Variants in ESRRB observed in about 807,000 individuals in gnomAD.
The protein encoded by ESRRB is steroid hormone receptor ERR2.
Under a neutral mutation model 46.0 loss-of-function variants are expected in ESRRB, and 16 were observed. The observed-to-expected ratio is 0.35, with a 90% CI of 0.24 to 0.53. The LOEUF (loss-of-function observed/expected upper bound fraction) is 0.53, where lower values mean the gene tolerates loss of function less well. Ranked by LOEUF, ESRRB falls within the 20% of genes least tolerant of loss-of-function variation. ESRRB has a pLI of 0.93. For missense variants in ESRRB, 488 were observed against 607.4 expected (o/e 0.80, Z 2.07); for synonymous variants, 246 against 259.6 (o/e 0.95, Z 0.50).
chr14:76,372,705 G>A (rs775419685), upstream of ESRRB, among the ~76,000 whole-genome samples: 2 of 152,182 alleles, frequency 1.3e-5, no homozygotes, highest in Non-Finnish European at 2.9e-5. Flanking sequence ...GCTGGTGGGT[G>A]CCTGTAGTCC....
At chr14:76,363,444 C>T (rs768706362) in intron 1 of ESRRB, among the ~76,000 whole-genome samples, 6 of 152,156 alleles carry the variant, frequency 3.9e-5, no homozygotes, top group Non-Finnish European at 7.3e-5. Flanking sequence ...CTTCTTGTTC[C>T]GGCTGCCCTT....
chr14:76,499,091 C>G lies in ESRRB; in HGVS notation c.*633C>G, dbSNP rs1179259747. ...TCCTGGGCACCCCACCCCTCGGGGC[C>G]TACCCCCCTGCCTGTCACCCACCGC... is the stretch of plus-strand genomic sequence containing the variant. On this transcript the variant is annotated 3_prime_UTR_variant, in exon 7 of 7. Coordinates refer to ENST00000644823, the MANE Select transcript of ESRRB (RefSeq NM_001379180.1). 2 of 332,568 alleles carry G rather than the reference C, an allele frequency of 6.0e-6. No individual in the cohort carries two copies. Among genetic ancestry groups the G allele is most frequent in the Admixed American group, 8.5e-5 (2 of 23,574 alleles). 20.6% of individuals were successfully genotyped at this position (332,568 alleles called of 1,614,324 possible). A position where few individuals can be genotyped will look rare whatever the true frequency, so the allele number is the denominator to read the frequency against.
intron 1 of ESRRB, among the ~76,000 whole-genome samples, chr14:76,393,012 G>A (rs112880983): frequency 2.0e-5 from 3 of 152,356 alleles, no homozygotes; most frequent in African/African-American, 4.8e-5. Flanking sequence ...GGGGCAGGGA[G>A]GCACTGGAGG....
upstream of ESRRB, among the ~76,000 whole-genome samples, chr14:76,373,336 C>G (rs970065468): frequency 3.9e-5 from 6 of 152,252 alleles, no homozygotes; most frequent in Non-Finnish European, 8.8e-5. Context: ...CTGCCCACCC[C>G]ACTCCACCCC....
At chr14:76,382,331 A>G (rs976436616) in intron 1 of ESRRB, among the ~76,000 whole-genome samples, 1 of 152,218 alleles carries the variant, frequency 6.6e-6, no homozygotes, top group African/African-American at 2.4e-5. Context: ...TGGTTCGTCC[A>G]TGGTGCAAAG....
intron 1 of ESRRB, among the ~76,000 whole-genome samples, chr14:76,329,584 G>T (rs2139735160): frequency 6.6e-6 from 1 of 152,298 alleles, no homozygotes; most frequent in Middle Eastern, 3.4e-3. Context: ...CCGCGGTGGG[G>T]TGGCAGGGAG....
At chr14:76,445,904 T>A (rs1888125600) in intron 2 of ESRRB, among the ~76,000 whole-genome samples, 1 of 152,196 alleles carries the variant, frequency 6.6e-6, no homozygotes, top group Non-Finnish European at 1.5e-5. Flanking sequence ...CAGGCTGGTC[T>A]CCAACTCTTG....
chr14:76,327,844 T>C (rs976441399), intron 1 of ESRRB, among the ~76,000 whole-genome samples: 1 of 151,948 alleles, frequency 6.6e-6, no homozygotes, highest in East Asian at 1.9e-4. Flanking sequence ...ACTGGGATTA[T>C]AGGCACGTGC....
intron 5 of ESRRB, among the ~76,000 whole-genome samples, chr14:76,486,687 G>A (rs983551253): frequency 2.0e-5 from 3 of 152,162 alleles, no homozygotes; most frequent in African/African-American, 7.2e-5. Context: ...TCCTGGGGCA[G>A]CAGAGCTCCA....
chr14:76,444,645 C>CA (rs1888056332), intron 2 of ESRRB, among the ~76,000 whole-genome samples: 1 of 152,130 alleles, frequency 6.6e-6, no homozygotes, highest in African/African-American at 2.4e-5. Context: ...CTCAGCCTCT[C>CA]AGAGTGCTTA....
At chr14:76,339,204 T>C (rs1369274289) in intron 1 of ESRRB, among the ~76,000 whole-genome samples, 2 of 152,210 alleles carry the variant, frequency 1.3e-5, no homozygotes, top group African/African-American at 4.8e-5. Context: ...TCTGAGCCTC[T>C]GCTGTGTGGC....
chr14:76,360,550 T>C (rs1884450902), intron 1 of ESRRB, among the ~76,000 whole-genome samples: 1 of 152,154 alleles, frequency 6.6e-6, no homozygotes, highest in Admixed American at 6.5e-5. Context: ...CTAGTGGCCC[T>C]ACCGCCAGTA....
intron 1 of ESRRB, among the ~76,000 whole-genome samples, chr14:76,312,533 A>G (rs759860867): frequency 7.3e-5 from 11 of 151,478 alleles, no homozygotes; most frequent in Non-Finnish European, 1.5e-4. Context: ...CAGAACAAGG[A>G]GTATGGCGTA....
At chr14:76,443,560 T>C (rs1566901741) in intron 2 of ESRRB, among the ~76,000 whole-genome samples, 1 of 152,224 alleles carries the variant, frequency 6.6e-6, no homozygotes, top group East Asian at 1.9e-4. Flanking sequence ...CTTTCTAAAT[T>C]GGAAGGTTGT....
intron 1 of ESRRB, among the ~76,000 whole-genome samples, chr14:76,359,662 C>T (rs761849038): frequency 6.6e-5 from 10 of 152,136 alleles, no homozygotes; most frequent in Non-Finnish European, 1.3e-4. Flanking sequence ...TTGGAACCAC[C>T]TGAGGAAGTG....
chr14:76,484,878 A>G (rs962655764), intron 5 of ESRRB, among the ~76,000 whole-genome samples: 1 of 152,200 alleles, frequency 6.6e-6, no homozygotes, highest in Non-Finnish European at 1.5e-5. Context: ...AATGGGAATC[A>G]CGATAGAGCC....
At position 76,332,738 on chromosome 14, in the gene ESRRB, ATATATTT is replaced by A. The variant is rs1884041795; in HGVS notation, c.2+21823_2+21829del. Among the ~76,000 whole-genome samples, 13 of 22,742 alleles carry A rather than the reference ATATATTT, an allele frequency of 5.7e-4. 1 individual carries two copies. The highest frequency in any genetic ancestry group is 2.1e-3 in the African/African-American group (11 of 5,358). 14.9% of individuals were successfully genotyped at this position (22,742 alleles called of 152,430 possible). ...TATATATTATATATATTTATATATT[ATATATTT>A]ATATATTATATATAAATATATAATA... On this transcript the variant is annotated intron_variant, in intron 1 of 6. Coordinates refer to the ESRRB transcript ENST00000512784.
intron 3 of ESRRB, chr14:76,463,445 G>GTTTTGTTTTTTTTTTTTTTTT (rs1555342250): frequency 2.2e-4 from 25 of 114,702 alleles, no homozygotes; most frequent in African/African-American, 8.8e-4. Flanking sequence ...ATGCTTCTTT[G>GTTTTGTTTTTTTTTTTTTTTT]TTTTTTTTTT....
intron 1 of ESRRB, among the ~76,000 whole-genome samples, chr14:76,417,469 T>A (rs867216089): frequency 4.6e-5 from 7 of 152,316 alleles, no homozygotes; most frequent in African/African-American, 1.7e-4. Context: ...TGTCTTCTAG[T>A]TCCCATTATT....
Sources: allele counts gnomAD v4.1 joint callset (sites outside exome capture counted in the v4.1 genomes callset), GRCh38; gene constraint gnomAD v4.1.1; transcripts MANE v1.5; gene names NCBI Gene and HGNC (gene_info 2026-07-23, HGNC 2026-07-21).